Variants in EIF3E observed in about 807,000 individuals in gnomAD.
The protein encoded by EIF3E is eIF-3 p48.
In EIF3E, 25 loss-of-function variants were observed where a neutral mutation model predicts 59.3. The observed-to-expected ratio is 0.42, with a 90% CI of 0.31 to 0.59. EIF3E has a LOEUF of 0.59. Ranked by LOEUF, EIF3E falls within the 20% of genes least tolerant of loss-of-function variation. The probability of loss-of-function intolerance (pLI) is 0.15; values close to 1 mark genes in which losing one functional copy is unlikely to be tolerated. For synonymous variants in EIF3E, 176 were observed against 170.2 expected (o/e 1.03, Z -0.26); for missense variants, 317 against 534.3 (o/e 0.59, Z 4.01).
intron 1 of EIF3E, among the ~76,000 whole-genome samples, chr8:108,244,355 T>A (rs1298493010): frequency 6.6e-6 from 1 of 152,220 alleles, no homozygotes; most frequent in Non-Finnish European, 1.5e-5. Flanking sequence ...TGCTGATCCG[T>A]CGTCTATCAA....
At chr8:108,242,953 A>C (rs1815868271) in intron 1 of EIF3E, 2 of 153,048 alleles carry the variant, frequency 1.3e-5, no homozygotes. Context: ...TATCTCCCAA[A>C]GCCAAACATA....
At chr8:108,212,699 G>C (rs1375138782) in intron 10 of EIF3E, among the ~76,000 whole-genome samples, 33 of 152,154 alleles carry the variant, frequency 2.2e-4, no homozygotes, top group Admixed American at 2.2e-3. Context: ...CTACTTGGGA[G>C]GCTGAGGCAC....
At chr8:108,237,840 C>T (rs762035141) in intron 3 of EIF3E, among the ~76,000 whole-genome samples, 6 of 151,972 alleles carry the variant, frequency 3.9e-5, no homozygotes, top group African/African-American at 9.7e-5. Flanking sequence ...TGATTATTTC[C>T]GGGAAAGTGT....
chr8:108,214,812 A>T, intron 9 of EIF3E, 96 bp from the exon 10 acceptor site: 2 of 1,103,158 alleles, frequency 1.8e-6, no homozygotes, highest in South Asian at 2.9e-5. Flanking sequence ...TCCATTCTAC[A>T]ATCATGAGTT....
At chr8:108,233,823 C>A (rs1266683214) in intron 5 of EIF3E, among the ~76,000 whole-genome samples, 2 of 106,870 alleles carry the variant, frequency 1.9e-5, no homozygotes, top group African/African-American at 7.6e-5. Flanking sequence ...TGGGTGAGAG[C>A]AAGACCCTGT....
chr8:108,227,040 T>A (rs929206815), intron 7 of EIF3E, among the ~76,000 whole-genome samples: 1 of 152,220 alleles, frequency 6.6e-6, no homozygotes, highest in Admixed American at 6.5e-5. Flanking sequence ...ACTGTTAATG[T>A]AGGGCTGGGC....
At chr8:108,209,818 C>T (rs1369604486) in intron 10 of EIF3E, among the ~76,000 whole-genome samples, 1 of 152,058 alleles carries the variant, frequency 6.6e-6, no homozygotes, top group Non-Finnish European at 1.5e-5. Context: ...AAATTAAGGA[C>T]AGGGTGGCAG....
intron 7 of EIF3E, 125 bp from the exon 8 acceptor site, chr8:108,217,585 A>G (rs1339039559): frequency 5.6e-6 from 4 of 720,290 alleles, no homozygotes; most frequent in East Asian, 3.2e-5. Context: ...AATGAGTATT[A>G]TAAGAAAATC....
At chr8:108,202,632 C>T (rs1035536198) in intron 12 of EIF3E, among the ~76,000 whole-genome samples, 5 of 151,966 alleles carry the variant, frequency 3.3e-5, no homozygotes, top group Admixed American at 6.6e-5. Flanking sequence ...AGAAAGAATA[C>T]ACATTTCGAA....
intron 9 of EIF3E, among the ~76,000 whole-genome samples, chr8:108,215,546 A>G (rs1236217559): frequency 6.6e-6 from 1 of 152,122 alleles, no homozygotes; most frequent in Non-Finnish European, 1.5e-5. Flanking sequence ...TGAACCCGGG[A>G]GGTGGAGTTT....
At chr8:108,230,222 G>T (rs1433865951) in intron 5 of EIF3E, among the ~76,000 whole-genome samples, 1 of 152,074 alleles carries the variant, frequency 6.6e-6, no homozygotes, top group Non-Finnish European at 1.5e-5. Flanking sequence ...ATATGTGCAG[G>T]ATCAGAAATC....
chr8:108,243,191 G>C (rs1017693749), intron 1 of EIF3E: 3 of 152,196 alleles, frequency 2.0e-5, no homozygotes, highest in Non-Finnish European at 2.9e-5. Context: ...AAACAATGCT[G>C]AGTGAAAGAT....
chr8:108,240,373 C>A (rs1367502950), intron 2 of EIF3E, among the ~76,000 whole-genome samples: 1 of 152,032 alleles, frequency 6.6e-6, no homozygotes, highest in Non-Finnish European at 1.5e-5. Context: ...AGGGTAGGAC[C>A]CAATTATCTA....
intron 5 of EIF3E, 38 bp downstream of exon 5, chr8:108,234,960 C>CAAAAAAAAAAAAAAA: frequency 1.1e-6 from 1 of 872,008 alleles, no homozygotes; most frequent in Non-Finnish European, 1.6e-6. Context: ...CTACAAAAGA[C>CAAAAAAAAAAAAAAA]AAAAAAAAAA....
At chr8:108,237,192 A>G (rs944293958) in intron 3 of EIF3E, among the ~76,000 whole-genome samples, 2 of 146,438 alleles carry the variant, frequency 1.4e-5, no homozygotes, top group South Asian at 2.1e-4. Context: ...AACTAATAAT[A>G]AAGAAAGACA....
chr8:108,239,845 G>T, intron 3 of EIF3E, 113 bp downstream of exon 3: 1 of 793,948 alleles, frequency 1.3e-6, no homozygotes, highest in Non-Finnish European at 2.1e-6. Flanking sequence ...AATGAATAAA[G>T]CACTCATTTA....
intron 12 of EIF3E, among the ~76,000 whole-genome samples, chr8:108,202,518 A>C (rs1183115355): frequency 6.6e-6 from 1 of 152,078 alleles, no homozygotes; most frequent in Non-Finnish European, 1.5e-5. Context: ...TGGGAGATTA[A>C]TTTTTGATAT....
chr8:108,235,138 T>G (rs930620195), intron 4 of EIF3E, 36 bp from the exon 5 acceptor site: 16 of 1,340,174 alleles, frequency 1.2e-5, no homozygotes, highest in Non-Finnish European at 1.5e-5. Flanking sequence ...TTCTCTTTAA[T>G]TTAGAGTTTT....
chr8:108,211,810 C>T (rs971020232), intron 10 of EIF3E, among the ~76,000 whole-genome samples: 3 of 152,136 alleles, frequency 2.0e-5, no homozygotes, highest in Non-Finnish European at 4.4e-5. Context: ...ATAGCCTACT[C>T]AATAAATCTG....
Sources: gnomAD v4.1 joint callset for allele counts (sites outside exome capture counted in the v4.1 genomes callset) on GRCh38, gnomAD v4.1.1 for gene constraint, MANE v1.5 for transcripts, NCBI Gene and HGNC (gene_info 2026-07-23, HGNC 2026-07-21) for gene names.